Variants in DLG2 observed in about 807,000 individuals in gnomAD.
The protein encoded by DLG2 is disks large homolog 2.
DLG2 carries 45 observed loss-of-function variants against 132.5 expected under a neutral mutation model. The observed-to-expected ratio is 0.34, with a 90% CI of 0.27 to 0.44. The LOEUF (loss-of-function observed/expected upper bound fraction) is 0.44, where lower values mean the gene tolerates loss of function less well. DLG2 is among the 20% of genes least tolerant of loss of function. DLG2 has a pLI of 1.00. For missense variants in DLG2, 1,045 were observed against 1,196.9 expected, an observed-to-expected ratio of 0.87 and a Z score of 1.87; for synonymous variants, 424 against 419.6, an observed-to-expected ratio of 1.01 and a Z score of -0.13.
At chr11:85,419,263 T>C (rs373780002) in intron 3 of DLG2, among the ~76,000 whole-genome samples, 1 of 152,388 alleles carries the variant, frequency 6.6e-6, no homozygotes, top group East Asian at 1.9e-4. Flanking sequence ...CACTCTCTTC[T>C]GGCTTGTAGG....
At chr11:84,201,826 T>A in intron 8 of DLG2, among the ~76,000 whole-genome samples, 1 of 125,064 alleles carries the variant, frequency 8.0e-6, no homozygotes, top group South Asian at 2.9e-4. Flanking sequence ...TTTTTTTTTT[T>A]TTTTTTTTTT....
At chr11:85,319,960 G>A (rs946218969) in intron 3 of DLG2, among the ~76,000 whole-genome samples, 2 of 151,704 alleles carry the variant, frequency 1.3e-5, no homozygotes, top group African/African-American at 2.4e-5. Flanking sequence ...CAACATTTTT[G>A]GGTACTCAAT....
At chr11:84,233,159 A>G (rs1567010375) in intron 8 of DLG2, among the ~76,000 whole-genome samples, 2 of 151,980 alleles carry the variant, frequency 1.3e-5, no homozygotes, top group African/African-American at 4.8e-5. Flanking sequence ...GGCAGGAGAG[A>G]CCTCCTCCCT....
chr11:83,971,507 T>G (rs1403863527), intron 12 of DLG2, among the ~76,000 whole-genome samples: 1 of 151,682 alleles, frequency 6.6e-6, no homozygotes, highest in Non-Finnish European at 1.5e-5. Context: ...GTGGGAGGTG[T>G]GGGGGCATGA....
At chr11:85,159,844 T>C (rs1717049572) in intron 4 of DLG2, among the ~76,000 whole-genome samples, 1 of 152,198 alleles carries the variant, frequency 6.6e-6, no homozygotes, top group Non-Finnish European at 1.5e-5. Flanking sequence ...CATAATCTTA[T>C]TTGGAGAGAA....
Position 83,475,121 on chromosome 11 carries a change from A to T in DLG2, c.2294-2344T>A, listed in dbSNP as rs373294114. The stretch of plus-strand genomic sequence containing the variant: ...CCCCAATTCTCAAGACCTTGTGGCA[A>T]TCAGGTACTGTGTAATACCCAGGAA... On this transcript the variant is annotated intron_variant, in intron 22 of 27. Transcript: ENST00000376104. Among the ~76,000 whole-genome samples, 253 of 152,286 alleles carry T rather than the reference A, an allele frequency of 1.7e-3. 2 individuals carry two copies. The highest frequency in any genetic ancestry group is 5.9e-3 in the African/African-American group (244 of 41,572).
chr11:84,865,420 C>T (rs192224908), intron 6 of DLG2, among the ~76,000 whole-genome samples: 9 of 152,188 alleles, frequency 5.9e-5, no homozygotes, highest in Non-Finnish European at 1.2e-4. Context: ...CACATTTACA[C>T]ATGTAGAGCC....
At chr11:84,822,009 G>A (rs1442937677) in intron 6 of DLG2, among the ~76,000 whole-genome samples, 1 of 151,780 alleles carries the variant, frequency 6.6e-6, no homozygotes, top group Non-Finnish European at 1.5e-5. Flanking sequence ...TTTTTGATTA[G>A]ATGTGCTACA....
rs1182004156 is a variant in DLG2, at chr11:83,588,532, G to A, written c.1940+44679C>T. ...GACCAAAAGTAGATAAAACCACAAC[G>A]ATGGGGAAAAAACAGAACAGAAAAA... On this transcript the variant is annotated intron_variant, in intron 19 of 27. Transcript: ENST00000376104. Among the ~76,000 whole-genome samples the A allele has an allele frequency of 4.6e-5, 7 of 152,082 alleles. No individual in the cohort carries two copies. In the East Asian group the frequency reaches 1.2e-3, roughly 25 times the overall value.
chr11:85,018,185 T>C (rs982182319), intron 6 of DLG2, among the ~76,000 whole-genome samples: 17 of 152,160 alleles, frequency 1.1e-4, no homozygotes, highest in African/African-American at 3.6e-4. Context: ...ACCACATTAA[T>C]GAGCAAAAGT....
chr11:84,186,958 A>C (rs2154287266), intron 8 of DLG2, among the ~76,000 whole-genome samples: 1 of 152,072 alleles, frequency 6.6e-6, no homozygotes, highest in South Asian at 2.1e-4. Flanking sequence ...TGCACCCCTC[A>C]GTTGTCCATC....
chr11:84,651,665 A>G (rs1227792830), intron 6 of DLG2, among the ~76,000 whole-genome samples: 2 of 152,208 alleles, frequency 1.3e-5, no homozygotes, highest in East Asian at 3.8e-4. Context: ...TTATGTTGAT[A>G]TGATGGCATT....
chr11:83,574,465 G>A (rs1565868834), intron 19 of DLG2, among the ~76,000 whole-genome samples: 1 of 152,104 alleles, frequency 6.6e-6, no homozygotes, highest in African/African-American at 2.4e-5. Flanking sequence ...ATACAATATA[G>A]TCATTTTCTG....
At chr11:83,582,467 G>A (rs2096997726) in intron 19 of DLG2, among the ~76,000 whole-genome samples, 1 of 152,188 alleles carries the variant, frequency 6.6e-6, no homozygotes, top group Non-Finnish European at 1.5e-5. Flanking sequence ...CAGGCATAGT[G>A]CTTGATGCTG....
intron 6 of DLG2, among the ~76,000 whole-genome samples, chr11:85,076,691 C>T (rs1022136080): frequency 6.6e-6 from 1 of 151,972 alleles, no homozygotes; most frequent in African/African-American, 2.4e-5. Flanking sequence ...GCTAGGCAGG[C>T]ACATGTACAT....
chr11:84,084,584 A>G (rs2096948831), intron 10 of DLG2, among the ~76,000 whole-genome samples: 1 of 152,162 alleles, frequency 6.6e-6, no homozygotes, highest in Non-Finnish European at 1.5e-5. Flanking sequence ...GTAGTGACAA[A>G]GATTCTCTCC....
intron 11 of DLG2, among the ~76,000 whole-genome samples, chr11:84,032,064 T>C (rs2095711498): frequency 6.6e-6 from 1 of 152,166 alleles, no homozygotes; most frequent in Non-Finnish European, 1.5e-5. Flanking sequence ...AATATGTCCT[T>C]ACCTGTTCTC....
intron 19 of DLG2, among the ~76,000 whole-genome samples, chr11:83,575,357 A>G (rs922991060): frequency 6.6e-6 from 1 of 152,204 alleles, no homozygotes; most frequent in African/African-American, 2.4e-5. Context: ...CAAAGAACCC[A>G]GGAGAAGCCT....
intron 7 of DLG2, among the ~76,000 whole-genome samples, chr11:84,461,089 T>A (rs1323046948): frequency 6.6e-6 from 1 of 150,888 alleles, no homozygotes; most frequent in African/African-American, 2.4e-5. Flanking sequence ...GAAACTGCAT[T>A]AGGAAGACTA....
Sources: gnomAD v4.1 joint callset for allele counts (sites outside exome capture counted in the v4.1 genomes callset) on GRCh38, gnomAD v4.1.1 for gene constraint, MANE v1.5 for transcripts, NCBI Gene and HGNC (gene_info 2026-07-23, HGNC 2026-07-21) for gene names.